Variants in TENM3 observed in about 807,000 individuals in gnomAD.
The protein encoded by TENM3 is teneurin transmembrane protein 3.
In TENM3, 63 loss-of-function variants were observed where a neutral mutation model predicts 255.1. The ratio of observed to expected loss-of-function variants is 0.25; its 90% CI spans 0.20 to 0.30. The LOEUF (loss-of-function observed/expected upper bound fraction) is 0.30, where lower values mean the gene tolerates loss of function less well. Among genes scored for constraint, TENM3 ranks in the 10% least tolerant of loss-of-function variants. The pLI is 1.00. For missense variants in TENM3, 2,929 were observed against 3,461.1 expected (o/e 0.85, Z 3.86); for synonymous variants, 1,306 against 1,322.3 (o/e 0.99, Z 0.27).
At chr4:181,833,109 T>C in the TENM3 span, among the ~76,000 whole-genome samples, 1 of 152,118 alleles carries the variant, frequency 6.6e-6, no homozygotes, top group Admixed American at 6.5e-5. Context: ...GAATGCGTAA[T>C]CTAGAGAAGG....
chr4:182,372,872 G>A (rs1294582734), intron 3 of TENM3, among the ~76,000 whole-genome samples: 1 of 152,106 alleles, frequency 6.6e-6, no homozygotes, highest in East Asian at 1.9e-4. Flanking sequence ...GGGACTATAG[G>A]CACGTGCCAC....
the TENM3 span, among the ~76,000 whole-genome samples, chr4:182,082,454 C>T: frequency 6.6e-6 from 1 of 152,152 alleles, no homozygotes; most frequent in Non-Finnish European, 1.5e-5. Context: ...CATTCATGTA[C>T]TCACCACCCA....
intron 5 of TENM3, among the ~76,000 whole-genome samples, chr4:182,637,063 G>A (rs1489646926): frequency 5.9e-5 from 9 of 152,056 alleles, no homozygotes; most frequent in South Asian, 2.1e-4. Context: ...TACTAACAGC[G>A]GCATATTCAG....
the TENM3 span, among the ~76,000 whole-genome samples, chr4:181,522,100 C>CAA: frequency 0.047 from 2,590 of 54,832 alleles, 234 homozygotes; most frequent in Non-Finnish European, 0.05. Flanking sequence ...GACTCCGTCT[C>CAA]AAAAAAAAAA....
intron 3 of TENM3, among the ~76,000 whole-genome samples, chr4:182,586,825 C>T (rs1465480448): frequency 6.6e-6 from 1 of 152,028 alleles, no homozygotes; most frequent in Non-Finnish European, 1.5e-5. Context: ...ACTCAATAAA[C>T]TACAGGTAAG....
the TENM3 span, among the ~76,000 whole-genome samples, chr4:181,857,685 G>T: frequency 6.6e-6 from 1 of 152,004 alleles, no homozygotes; most frequent in Non-Finnish European, 1.5e-5. Flanking sequence ...TTGAGCCTGG[G>T]AGGCAGAGGT....
chr4:181,736,954 C>T, the TENM3 span, among the ~76,000 whole-genome samples: 2 of 152,080 alleles, frequency 1.3e-5, no homozygotes, highest in African/African-American at 2.4e-5. Flanking sequence ...ACAATCACTT[C>T]CTGGGGTGGT....
intron 1 of TENM3, among the ~76,000 whole-genome samples, chr4:182,315,176 A>T (rs1036675436): frequency 3.9e-5 from 6 of 152,192 alleles, no homozygotes; most frequent in African/African-American, 1.4e-4. Context: ...AGGAGATTTA[A>T]ATAGTAAGAA....
intron 3 of TENM3, among the ~76,000 whole-genome samples, chr4:182,471,734 A>C (rs1363689230): frequency 5.9e-5 from 9 of 152,100 alleles, no homozygotes; most frequent in Non-Finnish European, 1.3e-4. Context: ...GAAATAGTGT[A>C]CTTAAGAAAT....
intron 3 of TENM3, among the ~76,000 whole-genome samples, chr4:182,585,260 G>T (rs1745898916): frequency 6.6e-6 from 1 of 152,108 alleles, no homozygotes; most frequent in South Asian, 2.1e-4. Context: ...ATAGGAAATT[G>T]ATGATATAGT....
the TENM3 span, among the ~76,000 whole-genome samples, chr4:181,699,472 A>AAAAAAAAAAAAAAAAAAAT: frequency 1.5e-5 from 2 of 133,000 alleles, no homozygotes; most frequent in African/African-American, 6.0e-5. Flanking sequence ...AAAAAAAAAA[A>AAAAAAAAAAAAAAAAAAAT]GAAAGAAAGA....
Position 182,792,206 on chromosome 4 carries a change from G to A in TENM3, c.5602-68G>A. 1 of 1,371,704 alleles carries A rather than the reference G, an allele frequency of 7.3e-7. No homozygotes were observed. The highest frequency in any genetic ancestry group is 1.3e-5 in the South Asian group (1 of 76,594). The allele number at this position is 1,371,704 out of a possible 1,614,324, so 85.0% of individuals were successfully genotyped here. A position where few individuals can be genotyped will look rare whatever the true frequency, so the allele number is the denominator to read the frequency against. ...TAGTGGAATGTTTCTGTGCATCTGT[G>A]GTCACTAAATCTGCTTTTGCATCTC... is the stretch of plus-strand genomic sequence containing the variant. On this transcript the variant is annotated intron_variant, in intron 25 of 27. Transcript: ENST00000511685. This position sits in a 1 kb window ranked among gnomAD's most constrained non-coding sequence, Gnocchi z 6.3.
chr4:181,629,868 C>G, the TENM3 span, among the ~76,000 whole-genome samples: 3 of 152,124 alleles, frequency 2.0e-5, no homozygotes, highest in East Asian at 1.9e-4. Flanking sequence ...AGTTAGGGAG[C>G]ATTCCCTCTT....
the TENM3 span, among the ~76,000 whole-genome samples, chr4:181,827,646 T>C: frequency 6.6e-6 from 1 of 152,190 alleles, no homozygotes; most frequent in East Asian, 1.9e-4. Flanking sequence ...TTTCAATCAT[T>C]GGTTCTTCGG....
the TENM3 span, among the ~76,000 whole-genome samples, chr4:181,659,999 C>T: frequency 1.3e-5 from 2 of 152,082 alleles, no homozygotes; most frequent in Admixed American, 6.6e-5. Flanking sequence ...ACAACTAAGA[C>T]GGCTCTGCGG....
chr4:182,371,397 G>A (rs747136654), intron 3 of TENM3, among the ~76,000 whole-genome samples: 18 of 152,076 alleles, frequency 1.2e-4, no homozygotes, highest in Non-Finnish European at 2.4e-4. Context: ...GTTAAAAACC[G>A]TGGTGTCTGC....
chr4:182,300,691 C>T (rs557431514), intron 1 of TENM3, among the ~76,000 whole-genome samples: 7 of 152,292 alleles, frequency 4.6e-5, no homozygotes, highest in Non-Finnish European at 7.3e-5. Flanking sequence ...TTCTCTAGCT[C>T]GTTTGGCATA....
chr4:182,551,923 C>G (rs1358093260), intron 3 of TENM3, among the ~76,000 whole-genome samples: 2 of 151,204 alleles, frequency 1.3e-5, no homozygotes, highest in African/African-American at 4.9e-5. Context: ...GAGGCTGAGG[C>G]AGGAGGATTG....
intron 4 of TENM3, among the ~76,000 whole-genome samples, chr4:182,621,741 T>C (rs1750246001): frequency 2.8e-5 from 1 of 35,338 alleles, no homozygotes; most frequent in African/African-American, 9.3e-5. Context: ...ATATATAATA[T>C]ATAATATATT....
Sources: gnomAD v4.1 joint callset for allele counts (sites outside exome capture counted in the v4.1 genomes callset) on GRCh38, gnomAD v4.1.1 for gene constraint, Gnocchi (gnomAD v3.1) non-coding constraint, MANE v1.5 for transcripts, NCBI Gene and HGNC (gene_info 2026-07-23, HGNC 2026-07-21) for gene names.